CASP9: variants seen among roughly 807,000 people sequenced by gnomAD.
CASP9 encodes caspase-9.
In CASP9, 29 loss-of-function variants were observed where a neutral mutation model predicts 43.5. The ratio of observed to expected loss-of-function variants is 0.67; its 90% confidence interval spans 0.50 to 0.91. The LOEUF (loss-of-function observed/expected upper bound fraction) is 0.91. Ranked by LOEUF, CASP9 falls within the 40% of genes least tolerant of loss-of-function variation. CASP9 has a pLI of 0.00. For synonymous variants in CASP9, 206 were observed against 211.9 expected, an observed-to-expected ratio of 0.97 and a Z score of 0.24; for missense variants, 575 against 537.4, an observed-to-expected ratio of 1.07 and a Z score of -0.69.
chr1:15,511,055 A>C (rs959934606), intron 2 of CASP9, among the ~76,000 whole-genome samples: 1 of 152,216 alleles, frequency 6.6e-6, no homozygotes, highest in Non-Finnish European at 1.5e-5. Flanking sequence ...CCAAAGAAAG[A>C]AGCAATAAAT....
chr1:15,522,532 A>G (rs1710243807), intron 1 of CASP9, among the ~76,000 whole-genome samples: 2 of 151,404 alleles, frequency 1.3e-5, no homozygotes, highest in African/African-American at 2.4e-5. Flanking sequence ...ACATAGCAAG[A>G]CTCCTATCTG....
In CASP9 at chr1:15,518,415, G is replaced by A. The variant is rs1305554216; in HGVS notation, c.133-20C>T. On this transcript the variant is annotated intron_variant, in intron 1 of 8. Transcript: ENST00000333868. ...TGCCCGCTGTTTGGAAAGAAAGGCA[G>A]GATACTAATTATCCACGTACTTTTA... 3 of 1,603,760 alleles carry A rather than the reference G, an allele frequency of 1.9e-6. No homozygotes were observed. Among genetic ancestry groups the A allele is most frequent in the East Asian group, 4.5e-5 (2 of 44,698 alleles).
chr1:15,513,542 T>C (rs1347117609), intron 2 of CASP9, among the ~76,000 whole-genome samples: 1 of 152,164 alleles, frequency 6.6e-6, no homozygotes, highest in Non-Finnish European at 1.5e-5. Context: ...GATGCACCTC[T>C]AAAGCACCGT....
At chr1:15,517,993 T>C in intron 2 of CASP9, 117 bp downstream of exon 2, 1 of 1,264,870 alleles carries the variant, frequency 7.9e-7, no homozygotes, top group Non-Finnish European at 1.1e-6. Flanking sequence ...CCTATGAACA[T>C]TCAGAAAGAC....
At chr1:15,510,300 G>A (rs989346738) in intron 2 of CASP9, among the ~76,000 whole-genome samples, 1 of 152,194 alleles carries the variant, frequency 6.6e-6, no homozygotes, top group Non-Finnish European at 1.5e-5. Flanking sequence ...CCATACTCCT[G>A]TTCCAATAAC....
At chr1:15,500,780 C>A (rs972316778) in intron 6 of CASP9, among the ~76,000 whole-genome samples, 23 of 151,988 alleles carry the variant, frequency 1.5e-4, no homozygotes, top group Admixed American at 1.4e-3. Flanking sequence ...TGCCTGGCAG[C>A]CTGTGGGGGC....
At chr1:15,495,227 G>T in intron 7 of CASP9, 46 bp downstream of exon 7, 1 of 1,560,770 alleles carries the variant, frequency 6.4e-7, no homozygotes, top group South Asian at 1.2e-5. Flanking sequence ...TAGGGCAGAC[G>T]GGAAGACCCA....
intron 6 of CASP9, among the ~76,000 whole-genome samples, chr1:15,496,837 A>G (rs966452017): frequency 2.6e-5 from 4 of 151,422 alleles, no homozygotes; most frequent in African/African-American, 7.3e-5. Context: ...CAGACCAGCA[A>G]AACCTCATCT....
chr1:15,524,275 A>AACCGCC, upstream of CASP9: 1 of 1,312,492 alleles, frequency 7.6e-7, no homozygotes, highest in South Asian at 1.3e-5. Flanking sequence ...AGTCCCCAGG[A>AACCGCC]CCCGCCCCCG....
chr1:15,496,814 A>G (rs1264816372), intron 6 of CASP9, among the ~76,000 whole-genome samples: 1 of 152,044 alleles, frequency 6.6e-6, no homozygotes, highest in Admixed American at 6.6e-5. Flanking sequence ...GGATCCCTTG[A>G]GCCCAGGAGT....
rs532662910 is a variant in CASP9 at position 15,492,592 on chromosome 1, G to C, written c.*351C>G. ...TGAACATCCCACAATGTACAGGACA[G>C]CCTCACAGCAAAGGGTGACCTGGCC... On this transcript the variant is annotated 3_prime_UTR_variant, in exon 9 of 9. Coordinates refer to ENST00000333868, the MANE Select transcript of CASP9 (RefSeq NM_001229.5). 7.1e-5 allele frequency: 20 copies of C among 280,762 alleles called. No individual in the cohort carries two copies. Among genetic ancestry groups the C allele is most frequent in the African/African-American group, 4.1e-4 (19 of 46,298 alleles). 17.4% of individuals were successfully genotyped at this position (280,762 alleles called of 1,614,324 possible).
intron 2 of CASP9, 141 bp from the exon 3 acceptor site, chr1:15,508,048 G>C: frequency 1.3e-6 from 1 of 771,758 alleles, no homozygotes; most frequent in Non-Finnish European, 2.2e-6. Context: ...AGCCACCTTG[G>C]AGATCTGTTT....
rs941311543 is a variant in CASP9 at position 15,524,157 on chromosome 1, C to G, written c.44G>C (p.Arg15Pro). The change falls in exon 1 of 9, where the codon CGG becomes CCG. Residue 15 changes from arginine (R) to proline (P), a missense_variant. Coordinates refer to ENST00000333868, the MANE Select transcript of CASP9 (RefSeq NM_001229.5). ...GTCCACCTGCAGCTCTTCCACCAGC[C>G]GCAGCCGGCACCGCCGCAGGAGCCG... is the stretch of plus-strand genomic sequence containing the variant. Reference protein sequence around the residue: ...DRRLLRRCRLRLVEELQVDQL... With the variant: ...DRRLLRRCRLPLVEELQVDQL... The G allele has an allele frequency of 1.3e-6, 2 of 1,539,888 alleles. No individual in the cohort carries two copies. The highest frequency in any genetic ancestry group is 8.7e-7 in the Non-Finnish European group (1 of 1,147,078).
At position 15,506,011 on chromosome 1, in the gene CASP9, G is replaced by T; in HGVS notation, c.699C>A (p.Val233=). The change falls in exon 5 of 9, where the codon GTC becomes GTA. Residue 233 remains valine, a synonymous_variant. Transcript: ENST00000333868. The stretch of plus-strand genomic sequence containing the variant: ...CTACCTGACAGCCGTGAGAGAGAAT[G>T]ACCACCACGCAGCAGTCCAGAGCAC... The part of the protein sequence containing the change: ...DHGALDCCVV[V]ILSHGCQASH... 3.1e-6 allele frequency: 5 copies of T among 1,614,022 alleles called. No individual in the cohort carries two copies. The highest frequency in any genetic ancestry group is 4.2e-6 in the Non-Finnish European group (5 of 1,179,872).
At chr1:15,506,587 G>A (rs941112151) in intron 4 of CASP9, among the ~76,000 whole-genome samples, 5 of 152,190 alleles carry the variant, frequency 3.3e-5, no homozygotes, top group South Asian at 2.1e-4. Flanking sequence ...CATTTTTGGG[G>A]AGAAGGTGCT....
In CASP9 at chr1:15,495,419, G is replaced by A. The variant is rs1268279596; in HGVS notation, c.902C>T (p.Thr301Ile). The A allele has an allele frequency of 2.5e-6, 4 of 1,604,806 alleles. No homozygotes were observed. The Admixed American group carries it at 5.1e-5, about 21-fold the overall frequency. ...GCCAGGGGACTCGTCTTCAGGGGAA[G>A]TGGAGGCCACCTCAAACCCATGGTC... is the stretch of plus-strand genomic sequence containing the variant. The part of the protein sequence containing the change: ...QKDHGFEVAS[T>I]SPEDESPGSN... The change falls in exon 7 of 9, where the codon ACT (threonine) becomes ATT (isoleucine). Residue 301 changes from threonine to isoleucine, a missense_variant. Coordinates refer to ENST00000333868, the MANE Select transcript of CASP9 (RefSeq NM_001229.5).
chr1:15,498,694 C>T (rs1557536902), intron 6 of CASP9, among the ~76,000 whole-genome samples: 3 of 150,706 alleles, frequency 2.0e-5, no homozygotes, highest in Admixed American at 6.6e-5. Flanking sequence ...TTGCAAATAC[C>T]AGATATAGAA....
chr1:15,499,156 G>A (rs1468594389), intron 6 of CASP9, among the ~76,000 whole-genome samples: 3 of 152,138 alleles, frequency 2.0e-5, no homozygotes, highest in Non-Finnish European at 4.4e-5. Context: ...TAAGTTAAGG[G>A]GTTTCCCCCC....
At chr1:15,523,962 G>A (rs1195198314) in intron 1 of CASP9, 107 bp downstream of exon 1, 3 of 804,662 alleles carry the variant, frequency 3.7e-6, no homozygotes, top group Admixed American at 3.2e-5. Context: ...CTTTGGCTCC[G>A]CTGAGGGGTT....
Sources: gnomAD v4.1 joint callset for allele counts (sites outside exome capture counted in the v4.1 genomes callset) on GRCh38, gnomAD v4.1.1 for gene constraint, MANE v1.5 for transcripts, NCBI Gene and HGNC (gene_info 2026-07-23, HGNC 2026-07-21) for gene names.